ADAM12: variants seen among roughly 807,000 people sequenced by gnomAD.
The protein encoded by ADAM12 is ADAM metallopeptidase domain 12.
Under a neutral mutation model 106.4 loss-of-function variants are expected in ADAM12, and 70 were observed. The observed-to-expected ratio is 0.66, with a 90% confidence interval of 0.54 to 0.80. The LOEUF is 0.80. Among genes scored for constraint, ADAM12 ranks in the 30% least tolerant of loss-of-function variants. The pLI is 0.00. For missense variants in ADAM12, 1,010 were observed against 1,171.9 expected (o/e 0.86, Z 2.02); for synonymous variants, 420 against 433.5 (o/e 0.97, Z 0.39).
intron 3 of ADAM12, among the ~76,000 whole-genome samples, chr10:126,216,034 C>T (rs1364001405): frequency 1.3e-5 from 2 of 152,184 alleles, no homozygotes; most frequent in Non-Finnish European, 2.9e-5. Context: ...ATGACTGTGG[C>T]CTTTTGTTTT....
At chr10:126,291,442 T>A (rs956015101) in intron 2 of ADAM12, among the ~76,000 whole-genome samples, 29 of 152,218 alleles carry the variant, frequency 1.9e-4, no homozygotes, top group Non-Finnish European at 4.1e-4. Context: ...TTACAGCTAA[T>A]TGCTAACTTT....
intron 11 of ADAM12, among the ~76,000 whole-genome samples, chr10:126,087,815 AT>A (rs71029284): frequency 6.6e-6 from 1 of 151,898 alleles, no homozygotes; most frequent in African/African-American, 2.4e-5. Context: ...CCCTTGGGGG[AT>A]TTTTTTCACT....
At chr10:126,199,003 T>TA in intron 3 of ADAM12, among the ~76,000 whole-genome samples, 1 of 152,200 alleles carries the variant, frequency 6.6e-6, no homozygotes, top group Non-Finnish European at 1.5e-5. Context: ...AGAAGGCCTG[T>TA]AGATTCCAGA....
chr10:126,304,640 T>C (rs1960765934), intron 2 of ADAM12, among the ~76,000 whole-genome samples: 2 of 152,122 alleles, frequency 1.3e-5, no homozygotes, highest in Admixed American at 6.5e-5. Flanking sequence ...TTTAAAATTC[T>C]GCTGATCAAA....
At position 126,340,080 on chromosome 10, in the gene ADAM12, C is replaced by T. The variant is rs1423376475; in HGVS notation, c.89-9571G>A. ...ACATTGGCCAGCATGGTCTTGATCTCTTGACCTCGTGATCCACCCACCTTG... is the reference window on the plus strand; with the variant it reads ...ACATTGGCCAGCATGGTCTTGATCTTTTGACCTCGTGATCCACCCACCTTG... On this transcript the variant is annotated intron_variant, in intron 1 of 22. Transcript: ENST00000448723. Among the ~76,000 whole-genome samples the T allele has an allele frequency of 3.3e-5, 5 of 152,200 alleles. No individual in the cohort carries two copies. In the East Asian group the frequency reaches 9.7e-4, roughly 29 times the overall value.
At chr10:126,323,196 T>A (rs2133838294) in intron 2 of ADAM12, among the ~76,000 whole-genome samples, 1 of 152,306 alleles carries the variant, frequency 6.6e-6, no homozygotes, top group Non-Finnish European at 1.5e-5. Flanking sequence ...AAATAGATGC[T>A]TCCTAAGTCT....
At chr10:126,386,640 C>A (rs753751043) in intron 1 of ADAM12, among the ~76,000 whole-genome samples, 1 of 152,096 alleles carries the variant, frequency 6.6e-6, no homozygotes, top group Non-Finnish European at 1.5e-5. Context: ...AAATAATTTC[C>A]CATTATTAGC....
At chr10:126,019,589 G>T in intron 22 of ADAM12, 106 bp downstream of exon 22, 1 of 1,409,392 alleles carries the variant, frequency 7.1e-7, no homozygotes, top group Non-Finnish European at 9.5e-7. Flanking sequence ...GGGGGAGCAG[G>T]AAGCACGGCC....
chr10:126,238,128 G>T (rs1409601054), intron 3 of ADAM12, among the ~76,000 whole-genome samples: 1 of 152,208 alleles, frequency 6.6e-6, no homozygotes, highest in African/African-American at 2.4e-5. Context: ...TTCTGTTTTA[G>T]GAGTACATAC....
intron 12 of ADAM12, among the ~76,000 whole-genome samples, chr10:126,071,063 C>A (rs1045699319): frequency 7.9e-5 from 12 of 152,178 alleles, no homozygotes; most frequent in African/African-American, 2.9e-4. Flanking sequence ...GAGGAAGCTC[C>A]TGGTTAAAAA....
At chr10:126,286,554 C>T (rs1443437379) in intron 2 of ADAM12, among the ~76,000 whole-genome samples, 6 of 152,168 alleles carry the variant, frequency 3.9e-5, no homozygotes, top group Admixed American at 2.6e-4. Flanking sequence ...TTGGCATTCA[C>T]GGGGCACGAG....
rs921288040 is a variant in ADAM12, at chr10:126,152,579, C to CT, written c.339+2647dup. Among the ~76,000 whole-genome samples the CT allele has an allele frequency of 6.4e-3, 964 of 149,956 alleles. 10 individuals carry two copies. Among genetic ancestry groups the CT allele is most frequent in the African/African-American group, 0.021 (855 of 40,896 alleles). ...GCAGCTTTTTTTTTGTTTTGTTTTG[C>CT]TTTTTTTTTAATTAAGATTTGTCTA... On this transcript the variant is annotated intron_variant, in intron 4 of 22. Coordinates refer to ENST00000448723, the MANE Select transcript of ADAM12 (RefSeq NM_001288973.2).
At chr10:126,289,381 C>A (rs1432270872) in intron 2 of ADAM12, among the ~76,000 whole-genome samples, 3 of 152,230 alleles carry the variant, frequency 2.0e-5, no homozygotes, top group Admixed American at 2.0e-4. Context: ...CAGCCACGTA[C>A]CACCTGGGCT....
At chr10:126,096,730 T>C (rs567978799) in intron 10 of ADAM12, among the ~76,000 whole-genome samples, 1 of 152,334 alleles carries the variant, frequency 6.6e-6, no homozygotes, top group South Asian at 2.1e-4. Flanking sequence ...AAATCAAAGG[T>C]GCTGAGGCAT....
intron 1 of ADAM12, among the ~76,000 whole-genome samples, chr10:126,354,552 C>T (rs1855473070): frequency 6.6e-6 from 1 of 152,112 alleles, no homozygotes; most frequent in African/African-American, 2.4e-5. Flanking sequence ...GTTTCATAGT[C>T]CTTACTGACA....
intron 1 of ADAM12, among the ~76,000 whole-genome samples, chr10:126,332,863 C>T (rs915987834): frequency 3.3e-5 from 5 of 152,186 alleles, no homozygotes; most frequent in African/African-American, 7.2e-5. Flanking sequence ...GGGATTCACA[C>T]GTTGGAATGC....
At chr10:126,329,645 C>T (rs1854431291) in intron 2 of ADAM12, among the ~76,000 whole-genome samples, 1 of 152,122 alleles carries the variant, frequency 6.6e-6, no homozygotes, top group South Asian at 2.1e-4. Flanking sequence ...TGGAAATCAC[C>T]TTATCATTAC....
intron 1 of ADAM12, among the ~76,000 whole-genome samples, chr10:126,338,637 T>C (rs1854805447): frequency 6.6e-6 from 1 of 152,192 alleles, no homozygotes; most frequent in African/African-American, 2.4e-5. Flanking sequence ...TAGAGTTGTA[T>C]AGGTTTTTCT....
At chr10:126,380,930 C>T (rs1286944540) in intron 1 of ADAM12, among the ~76,000 whole-genome samples, 1 of 152,154 alleles carries the variant, frequency 6.6e-6, no homozygotes, top group Admixed American at 6.5e-5. Context: ...AAGGAGGCCT[C>T]TGAAACACAC....
Sources: gnomAD v4.1 joint callset for allele counts (sites outside exome capture counted in the v4.1 genomes callset) on GRCh38, gnomAD v4.1.1 for gene constraint, MANE v1.5 for transcripts, NCBI Gene and HGNC (gene_info 2026-07-23, HGNC 2026-07-21) for gene names.